The following ZDHHC21 variants were observed in gnomAD, a reference collection of about 807,000 sequenced individuals.
The protein encoded by ZDHHC21 is palmitoyltransferase ZDHHC21.
A neutral mutation model predicts 34.6 loss-of-function variants in ZDHHC21; 15 were observed. That is an observed-to-expected ratio of 0.43 (90% CI 0.29 to 0.67). The LOEUF is 0.67. Ranked by LOEUF, ZDHHC21 falls within the 30% of genes least tolerant of loss-of-function variation. The probability of loss-of-function intolerance (pLI) is 0.14; values close to 1 mark genes in which losing one functional copy is unlikely to be tolerated. For missense variants in ZDHHC21, 344 were observed against 327.7 expected (o/e 1.05, Z -0.38); for synonymous variants, 142 against 101.8 (o/e 1.40, Z -2.38).
chr9:14,643,377 T>A (rs570904750), intron 7 of ZDHHC21, among the ~76,000 whole-genome samples: 1 of 152,198 alleles, frequency 6.6e-6, no homozygotes, highest in Non-Finnish European at 1.5e-5. Flanking sequence ...ACCCCTACCC[T>A]AAAGGTAAAG....
chr9:14,650,888 A>C (rs1344516750), intron 7 of ZDHHC21, among the ~76,000 whole-genome samples: 1 of 151,850 alleles, frequency 6.6e-6, no homozygotes, highest in East Asian at 1.9e-4. Flanking sequence ...TCTGTCACCC[A>C]CTGCTCTCAT....
chr9:14,593,163 A>C, the ZDHHC21 span, among the ~76,000 whole-genome samples: 2 of 152,198 alleles, frequency 1.3e-5, no homozygotes, highest in Non-Finnish European at 2.9e-5. Context: ...GCACAAACAA[A>C]GGAAATGGAA....
chr9:14,621,140 C>G (rs1176410613), intron 8 of ZDHHC21, among the ~76,000 whole-genome samples: 1 of 151,892 alleles, frequency 6.6e-6, no homozygotes, highest in Non-Finnish European at 1.5e-5. Context: ...AAACAACTTA[C>G]ACAAAAGTAC....
chr9:14,662,660 A>T (rs1833620668), intron 5 of ZDHHC21, among the ~76,000 whole-genome samples: 1 of 152,232 alleles, frequency 6.6e-6, no homozygotes, highest in African/African-American at 2.4e-5. Flanking sequence ...CAACCAAATT[A>T]TTATACTAAA....
In ZDHHC21 at chr9:14,616,598, T is replaced by G. The variant is rs1390119998; in HGVS notation, c.*2368A>C. The G allele has an allele frequency of 6.6e-6, 1 of 151,770 alleles. No individual in the cohort carries two copies. Among genetic ancestry groups the G allele is most frequent in the African/African-American group, 2.4e-5 (1 of 41,402 alleles). 9.4% of individuals were successfully genotyped at this position (151,770 alleles called of 1,614,324 possible). A position where few individuals can be genotyped will look rare whatever the true frequency, so the allele number is the denominator to read the frequency against. On this transcript the variant is annotated 3_prime_UTR_variant, in exon 10 of 10. Transcript: ENST00000380916. ...GGCGCAGAAACAACACCAGTAGATA[T>G]GCTTAGCAAACTGCCAGTTGGTTTT...
intron 7 of ZDHHC21, among the ~76,000 whole-genome samples, chr9:14,657,034 T>A (rs1157679656): frequency 6.6e-6 from 1 of 152,022 alleles, no homozygotes; most frequent in Non-Finnish European, 1.5e-5. Flanking sequence ...CCATAATCCA[T>A]TTCTCCATTT....
the ZDHHC21 span, among the ~76,000 whole-genome samples, chr9:14,591,823 T>C: frequency 3.9e-5 from 6 of 152,170 alleles, no homozygotes; most frequent in African/African-American, 1.2e-4. Flanking sequence ...TTCTATCTAG[T>C]AATATTTCTT....
chr9:14,621,171 A>C (rs980893321), intron 8 of ZDHHC21, among the ~76,000 whole-genome samples: 1 of 152,100 alleles, frequency 6.6e-6, no homozygotes, highest in Non-Finnish European at 1.5e-5. Flanking sequence ...ATGAGATAGA[A>C]GTCAACGAGA....
chr9:14,662,603 T>C (rs1333089418), intron 5 of ZDHHC21, among the ~76,000 whole-genome samples: 1 of 152,202 alleles, frequency 6.6e-6, no homozygotes, highest in East Asian at 1.9e-4. Flanking sequence ...GGATTCTGGG[T>C]ATACTGTGAG....
chr9:14,672,141 A>G (rs1390976486), intron 5 of ZDHHC21, among the ~76,000 whole-genome samples: 1 of 152,118 alleles, frequency 6.6e-6, no homozygotes, highest in Non-Finnish European at 1.5e-5. Context: ...AAAATACTTC[A>G]GAGTAATTCA....
intron 1 of ZDHHC21, among the ~76,000 whole-genome samples, chr9:14,692,878 G>A (rs570905867): frequency 6.7e-6 from 1 of 150,186 alleles, no homozygotes; most frequent in Non-Finnish European, 1.5e-5. Flanking sequence ...TTACAAGCGA[G>A]AAACTCAGGA....
At chr9:14,669,910 C>T (rs1189446229) in intron 5 of ZDHHC21, among the ~76,000 whole-genome samples, 18 of 143,878 alleles carry the variant, frequency 1.3e-4, no homozygotes, top group African/African-American at 3.9e-4. Context: ...TGCTAGATGA[C>T]GAGTTAGTGG....
rs1428034584 is a variant in ZDHHC21, at chr9:14,615,859, T to C, written c.*3107A>G. ...AACATACATTTTGCTTAAAATCAAA[T>C]AGAATGTTTATAAAGAAATACTTCA... On this transcript the variant is annotated 3_prime_UTR_variant, in exon 10 of 10. Coordinates refer to ENST00000380916, the MANE Select transcript of ZDHHC21 (RefSeq NM_178566.6). 1 of 151,664 alleles carries C rather than the reference T, an allele frequency of 6.6e-6. No individual in the cohort carries two copies. The highest frequency in any genetic ancestry group is 1.9e-4 in the East Asian group (1 of 5,184). The allele number at this position is 151,664 out of a possible 1,614,324, so 9.4% of individuals were successfully genotyped here.
chr9:14,607,792 T>A (rs1254086560), downstream of ZDHHC21, among the ~76,000 whole-genome samples: 1 of 152,162 alleles, frequency 6.6e-6, no homozygotes, highest in Non-Finnish European at 1.5e-5. Context: ...AAGAAGACTC[T>A]ACAGGGCTTT....
chr9:14,606,578 C>A (rs1283240385), downstream of ZDHHC21, among the ~76,000 whole-genome samples: 1 of 152,138 alleles, frequency 6.6e-6, no homozygotes, highest in Non-Finnish European at 1.5e-5. Context: ...AGAAAAGCTG[C>A]TGTGCCCTTT....
At chr9:14,626,748 T>C (rs1363825090) in intron 8 of ZDHHC21, among the ~76,000 whole-genome samples, 1 of 151,918 alleles carries the variant, frequency 6.6e-6, no homozygotes, top group Non-Finnish European at 1.5e-5. Context: ...ACTTATCATA[T>C]ACAAAATTCT....
chr9:14,648,562 C>T (rs982483889), intron 7 of ZDHHC21, among the ~76,000 whole-genome samples: 4 of 152,180 alleles, frequency 2.6e-5, no homozygotes, highest in East Asian at 3.9e-4. Context: ...TCTGTTCAAG[C>T]GTCACTAGAG....
intron 5 of ZDHHC21, among the ~76,000 whole-genome samples, chr9:14,664,700 A>G (rs7872230): frequency 0.94 from 142,761 of 151,686 alleles, 67,232 homozygotes; most frequent in Non-Finnish European, 0.96. Context: ...CCTGACCCCC[A>G]AGCAGCCTAA....
At chr9:14,604,000 G>A in the ZDHHC21 span, among the ~76,000 whole-genome samples, 1 of 152,102 alleles carries the variant, frequency 6.6e-6, no homozygotes, top group African/African-American at 2.4e-5. Context: ...TATTTACAAA[G>A]ACTTTTTCCA....
Sources: gnomAD v4.1 joint callset for allele counts (sites outside exome capture counted in the v4.1 genomes callset) on GRCh38, gnomAD v4.1.1 for gene constraint, MANE v1.5 for transcripts, NCBI Gene and HGNC (gene_info 2026-07-23, HGNC 2026-07-21) for gene names.